Variants in RANBP2 observed in about 807,000 individuals in gnomAD.
RANBP2 encodes RAN binding protein 2, also known as E3 SUMO-protein ligase RanBP2.
In RANBP2, 57 loss-of-function variants were observed where a neutral mutation model predicts 303.6. That is an observed-to-expected ratio of 0.19 (90% CI 0.15 to 0.23). The LOEUF is 0.23. RANBP2 is among the 10% of genes least tolerant of loss of function. RANBP2 has a pLI of 1.00. For synonymous variants in RANBP2, 1,167 were observed against 1,301.5 expected, an observed-to-expected ratio of 0.90 and a Z score of 2.23; for missense variants, 3,138 against 3,780.8, an observed-to-expected ratio of 0.83 and a Z score of 4.46.
chr2:109,305,662 G>A, the RANBP2 span, among the ~76,000 whole-genome samples: 6 of 152,302 alleles, frequency 3.9e-5, no homozygotes, highest in East Asian at 7.7e-4. Flanking sequence ...CTCAGCATTC[G>A]CTCAGTTCCA....
the RANBP2 span, among the ~76,000 whole-genome samples, chr2:109,715,807 G>T: frequency 2.0e-5 from 3 of 152,290 alleles, no homozygotes; most frequent in African/African-American, 7.2e-5. Context: ...CTACCCAGGG[G>T]CCCCAGCCAT....
the RANBP2 span, chr2:108,812,637 G>T: frequency 6.2e-7 from 1 of 1,611,290 alleles, no homozygotes; most frequent in Admixed American, 1.7e-5. Context: ...TTAGTTAAAT[G>T]AAGCAAGTGA....
At chr2:109,473,984 C>G in the RANBP2 span, among the ~76,000 whole-genome samples, 1 of 152,186 alleles carries the variant, frequency 6.6e-6, no homozygotes, top group South Asian at 2.1e-4. Flanking sequence ...CTGGAAGGTG[C>G]TGGAGGCCAA....
chr2:109,366,435 G>A, the RANBP2 span, among the ~76,000 whole-genome samples: 2,903 of 152,224 alleles, frequency 0.019, 89 homozygotes, highest in African/African-American at 0.066. Flanking sequence ...AGTGTGGTGA[G>A]TTCACTACCA....
At chr2:108,907,299 AC>A in the RANBP2 span, among the ~76,000 whole-genome samples, 1 of 152,168 alleles carries the variant, frequency 6.6e-6, no homozygotes, top group South Asian at 2.1e-4. Flanking sequence ...AAGTGATTTT[AC>A]CTTTTTTCTC....
the RANBP2 span, among the ~76,000 whole-genome samples, chr2:109,099,170 A>T: frequency 6.6e-6 from 1 of 152,160 alleles, no homozygotes; most frequent in Non-Finnish European, 1.5e-5. Flanking sequence ...GAATATTCAC[A>T]AGGTGGGGCG....
the RANBP2 span, among the ~76,000 whole-genome samples, chr2:109,216,968 T>A: frequency 6.6e-6 from 1 of 152,324 alleles, no homozygotes; most frequent in Middle Eastern, 3.4e-3. Context: ...CTCCAGGCCC[T>A]GGCACCCACT....
At chr2:108,749,739 A>G (rs960139778) in intron 9 of RANBP2, among the ~76,000 whole-genome samples, 6 of 152,058 alleles carry the variant, frequency 3.9e-5, no homozygotes, top group African/African-American at 1.4e-4. Context: ...CCATAGGCAC[A>G]TGCCACTCGG....
chr2:109,283,133 A>C, the RANBP2 span, among the ~76,000 whole-genome samples: 1 of 152,192 alleles, frequency 6.6e-6, no homozygotes, highest in South Asian at 2.1e-4. Context: ...AAAGGTAATA[A>C]AAATGCCCAG....
the RANBP2 span, among the ~76,000 whole-genome samples, chr2:109,686,416 G>T: frequency 6.6e-6 from 1 of 152,108 alleles, no homozygotes; most frequent in Non-Finnish European, 1.5e-5. Flanking sequence ...CCGGGTTCAC[G>T]CCATTCTCCT....
chr2:109,495,680 C>T, the RANBP2 span, among the ~76,000 whole-genome samples: 3 of 151,734 alleles, frequency 2.0e-5, no homozygotes, highest in Non-Finnish European at 4.4e-5. Context: ...TTAGTAGAGA[C>T]GGGGTTTCGC....
chr2:109,531,581 G>A, the RANBP2 span, among the ~76,000 whole-genome samples: 2 of 152,142 alleles, frequency 1.3e-5, no homozygotes, highest in Admixed American at 1.3e-4. Context: ...GCTGCTCATT[G>A]GAATCATGAT....
At chr2:109,444,688 A>G in the RANBP2 span, among the ~76,000 whole-genome samples, 2 of 152,170 alleles carry the variant, frequency 1.3e-5, no homozygotes, top group Non-Finnish European at 2.9e-5. Context: ...ACCTAGTTCT[A>G]AGGGAGGGTC....
the RANBP2 span, among the ~76,000 whole-genome samples, chr2:108,985,146 T>C: frequency 6.6e-6 from 1 of 152,188 alleles, no homozygotes; most frequent in African/African-American, 2.4e-5. Context: ...TAATACTGTA[T>C]CTTATTTCAG....
chr2:109,366,490 G>A, the RANBP2 span, among the ~76,000 whole-genome samples: 2 of 151,884 alleles, frequency 1.3e-5, no homozygotes, highest in African/African-American at 4.8e-5. Flanking sequence ...GCATATATAC[G>A]TTTATGCACG....
chr2:108,991,718 C>T, the RANBP2 span, among the ~76,000 whole-genome samples: 2 of 152,200 alleles, frequency 1.3e-5, no homozygotes, highest in African/African-American at 2.4e-5. Context: ...AAAAAACACT[C>T]AGGGGTTGGT....
At chr2:109,183,254 TA>T in the RANBP2 span, among the ~76,000 whole-genome samples, 6 of 152,264 alleles carry the variant, frequency 3.9e-5, no homozygotes, top group Admixed American at 1.3e-4. Context: ...CTGAGATGAC[TA>T]TCAGTTGAGT....
the RANBP2 span, among the ~76,000 whole-genome samples, chr2:108,795,150 ATTTTTTTTTT>A: frequency 3.5e-5 from 3 of 85,012 alleles, no homozygotes; most frequent in Non-Finnish European, 6.2e-5. Flanking sequence ...TCTAAAGTGT[ATTTTTTTTTT>A]TTTTTTTTTT....
chr2:109,358,559 A>G, the RANBP2 span, among the ~76,000 whole-genome samples: 2 of 152,172 alleles, frequency 1.3e-5, no homozygotes, highest in African/African-American at 2.4e-5. Flanking sequence ...TCATCAACAC[A>G]CTACACACTA....
Sources: allele counts gnomAD v4.1 joint callset (sites outside exome capture counted in the v4.1 genomes callset), GRCh38; gene constraint gnomAD v4.1.1; transcripts MANE v1.5; gene names NCBI Gene and HGNC (gene_info 2026-07-23, HGNC 2026-07-21).